Variants in CHRNA4 observed in about 807,000 individuals in gnomAD.
CHRNA4 encodes cholinergic receptor nicotinic alpha 4 subunit.
A neutral mutation model predicts 48.9 loss-of-function variants in CHRNA4; 28 were observed. The ratio of observed to expected loss-of-function variants is 0.57; its 90% confidence interval spans 0.42 to 0.79. The LOEUF (loss-of-function observed/expected upper bound fraction) is 0.79, where lower values mean the gene tolerates loss of function less well. CHRNA4 is among the 30% of genes least tolerant of loss of function. The probability of loss-of-function intolerance (pLI) is 0.00; values close to 1 mark genes in which losing one functional copy is unlikely to be tolerated. For missense variants in CHRNA4, 859 were observed against 898.4 expected (o/e 0.96, Z 0.56); for synonymous variants, 425 against 402.3 (o/e 1.06, Z -0.68).
In CHRNA4 at chr20:63,349,679, G is replaced by A. The variant is rs199506324; in HGVS notation, c.1732C>T (p.Leu578=). The change falls in exon 5 of 6, where the codon CTG becomes TTG. Residue 578 remains leucine, a synonymous_variant. Transcript: ENST00000370263. ...VEGVQYIADH[L]KAEDTDFSVK... ...GAGAAGTCTGTGTCTTCGGCCTTCAGGTGGTCTGCAATGTACTGGACGCCC... is the reference window on the plus strand; with the variant it reads ...GAGAAGTCTGTGTCTTCGGCCTTCAAGTGGTCTGCAATGTACTGGACGCCC... 5.3e-5 allele frequency: 86 copies of A among 1,612,874 alleles called. No homozygotes were observed. The highest frequency in any genetic ancestry group is 6.9e-5 in the Non-Finnish European group (82 of 1,179,894).
intron 1 of CHRNA4, 61 bp downstream of exon 1, chr20:63,361,029 G>A: frequency 7.7e-7 from 1 of 1,297,256 alleles, no homozygotes; most frequent in Non-Finnish European, 1.0e-6. Context: ...CTCTGGCTCT[G>A]GGGGTCCCAG....
chr20:63,350,306 G>C lies in CHRNA4; in HGVS notation c.1105C>G (p.Arg369Gly). The change falls in exon 5 of 6, where the codon CGG becomes GGG. Residue 369 changes from arginine to glycine, a missense_variant. Arg to Gly is a moderately radical substitution (Grantham distance 125). This residue lies in a region of CHRNA4 where 478 missense variants were observed against 455.4 expected (regional missense o/e 1.05). Coordinates refer to ENST00000370263, the MANE Select transcript of CHRNA4 (RefSeq NM_000744.7). ...TTATGCATGGACTCGATGAGCCGCC[G>C]GCAATTGTCCTTGACCACGGACGGC... ...KRPSVVKDNC[R>G]RLIESMHKMA... 1 of 1,613,126 alleles carries C rather than the reference G, an allele frequency of 6.2e-7. No individual in the cohort carries two copies. Among genetic ancestry groups the C allele is most frequent in the Non-Finnish European group, 8.5e-7 (1 of 1,179,994 alleles).
Position 63,344,919 on chromosome 20 carries a change from G to A in CHRNA4, c.*1819C>T, listed in dbSNP as rs767843423. On this transcript the variant is annotated 3_prime_UTR_variant, in exon 6 of 6. Coordinates refer to ENST00000370263, the MANE Select transcript of CHRNA4 (RefSeq NM_000744.7). The surrounding 1 kb of genome is among the most constrained non-coding windows in gnomAD (Gnocchi z 4.5). ...GGGATGTGGGAGGGGCCAGGGGGCT[G>A]GGGATGCCCAGGATTTGGCACGGGG... The A allele has an allele frequency of 2.5e-6, 1 of 404,366 alleles. No individual in the cohort carries two copies. 25.0% of individuals were successfully genotyped at this position (404,366 alleles called of 1,614,324 possible).
At chr20:63,355,793 C>G (rs2068707365) in intron 4 of CHRNA4, 182 bp downstream of exon 4, 1 of 936,988 alleles carries the variant, frequency 1.1e-6, no homozygotes, top group African/African-American at 1.6e-5. Flanking sequence ...TCAACCCACA[C>G]CAATTTCTCC....
Position 63,350,169 on chromosome 20 carries a change from C to T in CHRNA4, c.1242G>A (p.Val414=). 6.3e-7 allele frequency: 1 copy of T among 1,586,314 alleles called. No individual in the cohort carries two copies. Among genetic ancestry groups the T allele is most frequent in the Non-Finnish European group, 8.6e-7 (1 of 1,164,198 alleles). Reference sequence around the variant, plus strand: ...TGCAGGAAGGCCCAGGCTCAGCCGGCACATCCAGGGGGACACAGAAGGACG... The same window carrying T: ...TGCAGGAAGGCCCAGGCTCAGCCGGTACATCCAGGGGGACACAGAAGGACG... The part of the protein sequence containing the change: ...PSPSFCVPLD[V]PAEPGPSCKS... Residue 414 remains valine (V), a synonymous_variant, in exon 5 of 6, where the codon GTG becomes GTA. Transcript: ENST00000370263.
At position 63,348,981 on chromosome 20, in the gene CHRNA4, G is replaced by A. The variant is rs45619635; in HGVS notation, c.1758+672C>T. Among the ~76,000 whole-genome samples, 11 of 152,284 alleles carry A rather than the reference G, an allele frequency of 7.2e-5. No individual in the cohort carries two copies. The East Asian group carries it at 7.7e-4, about 11-fold the overall frequency. ...ACTGTGGCTCCTGGGGCCTCTGTGC[G>A]GCCAGTGCCTGGCGCTGGAGGGTGA... On this transcript the variant is annotated intron_variant, in intron 5 of 5. Transcript: ENST00000370263.
At chr20:63,347,751 C>T (rs1025546110) in intron 5 of CHRNA4, among the ~76,000 whole-genome samples, 16 of 152,198 alleles carry the variant, frequency 1.1e-4, no homozygotes, top group Non-Finnish European at 2.4e-4. Context: ...TGGGCCCGGC[C>T]GTGAGGGTGT....
rs201462011 is a variant in CHRNA4, at chr20:63,343,640, G to C, written c.*3098C>G. ...CACGTCGCCCCAGGCCGGGCCACAC[G>C]GGAAGCACCCAGGCCGGTCCGGAGG... On this transcript the variant is annotated 3_prime_UTR_variant, in exon 6 of 6. Transcript: ENST00000370263. The C allele has an allele frequency of 9.7e-3, 4,248 of 439,880 alleles. 178 individuals carry two copies. The highest frequency in any genetic ancestry group is 0.064 in the South Asian group (4,115 of 64,036). The allele number at this position is 439,880 out of a possible 1,614,324, so 27.2% of individuals were successfully genotyped here.
Position 63,350,176 on chromosome 20 carries a change from A to AG in CHRNA4, c.1234dup (p.Leu412ProfsTer6). ...AGGCCCAGGCTCAGCCGGCACATCC[A>AG]GGGGGACACAGAAGGACGGTGAGGG... On this transcript the variant is annotated frameshift_variant, in exon 5 of 6. Transcript: ENST00000370263. LOFTEE classifies it high-confidence loss of function. 6.3e-7 allele frequency: 1 copy of AG among 1,591,052 alleles called. No individual in the cohort carries two copies. The highest frequency in any genetic ancestry group is 8.6e-7 in the Non-Finnish European group (1 of 1,167,250).
At chr20:63,359,095 C>G (rs893903088) in intron 2 of CHRNA4, among the ~76,000 whole-genome samples, 1 of 152,176 alleles carries the variant, frequency 6.6e-6, no homozygotes, top group African/African-American at 2.4e-5. Context: ...CCAAACCCCA[C>G]ATTCCAGATC....
intron 4 of CHRNA4, among the ~76,000 whole-genome samples, chr20:63,354,996 G>A (rs533827665): frequency 7.2e-4 from 110 of 152,324 alleles, no homozygotes; most frequent in Admixed American, 1.5e-3. Flanking sequence ...GAGCCCAATC[G>A]TTCTTAATCA....
chr20:63,346,203 C>T lies in CHRNA4; in HGVS notation c.*535G>A, dbSNP rs112667865. 4 of 454,292 alleles carry T rather than the reference C, an allele frequency of 8.8e-6. No homozygotes were observed. The highest frequency in any genetic ancestry group is 2.0e-5 in the African/African-American group (1 of 50,156). The allele number at this position is 454,292 out of a possible 1,614,324, so 28.1% of individuals were successfully genotyped here. On this transcript the variant is annotated 3_prime_UTR_variant, in exon 6 of 6. Coordinates refer to ENST00000370263, the MANE Select transcript of CHRNA4 (RefSeq NM_000744.7). ...CCTCTCCTAGCGAAGCAGATTGGAG[C>T]GCTGCTGGCTCACCCTCATGGGGCC...
At position 63,344,481 on chromosome 20, in the gene CHRNA4, T is replaced by C. The variant is rs1290807241; in HGVS notation, c.*2257A>G. 1.3e-5 allele frequency: 6 copies of C among 448,122 alleles called. No individual in the cohort carries two copies. Among genetic ancestry groups the C allele is most frequent in the African/African-American group, 4.1e-5 (2 of 48,220 alleles). 27.8% of individuals were successfully genotyped at this position (448,122 alleles called of 1,614,324 possible). On this transcript the variant is annotated 3_prime_UTR_variant, in exon 6 of 6. Coordinates refer to ENST00000370263, the MANE Select transcript of CHRNA4 (RefSeq NM_000744.7). The surrounding 1 kb of genome is among the most constrained non-coding windows in gnomAD (Gnocchi z 4.5). ...GGAATATGGTGCTTTATTTGGATTTTTTTTTTGAGCCTCAAAAAAAAAAAG... is the reference window on the plus strand; with the variant it reads ...GGAATATGGTGCTTTATTTGGATTTCTTTTTTGAGCCTCAAAAAAAAAAAG...
At position 63,358,336 on chromosome 20, in the gene CHRNA4, A is replaced by G. The variant is rs568011274; in HGVS notation, c.228+1212T>C. On this transcript the variant is annotated intron_variant, in intron 2 of 5. Transcript: ENST00000370263. ...TGGGGTGTGGCCCACTCAGCCTGGG[A>G]TAGTGAAGCAGCTCTCACCCCGTTT... Among the ~76,000 whole-genome samples the G allele has an allele frequency of 1.8e-3, 278 of 152,318 alleles. 2 individuals carry two copies. Among genetic ancestry groups the G allele is most frequent in the African/African-American group, 6.4e-3 (264 of 41,562 alleles).
At chr20:63,349,454 C>T in intron 5 of CHRNA4, 199 bp downstream of exon 5, 1 of 719,192 alleles carries the variant, frequency 1.4e-6, no homozygotes. Context: ...CTCGGGGCCC[C>T]CTGCCCCGCT....
chr20:63,344,208 A>G lies in CHRNA4; in HGVS notation c.*2530T>C. On this transcript the variant is annotated 3_prime_UTR_variant, in exon 6 of 6. Transcript: ENST00000370263. This position sits in a 1 kb window ranked among gnomAD's most constrained non-coding sequence, Gnocchi z 4.5. ...AAGTCATAGGATGAAGAAGCCAGAC[A>G]TCAAAGGCTCCAACTGCAGGATTCT... The G allele has an allele frequency of 4.4e-6, 2 of 454,064 alleles. No individual in the cohort carries two copies. Among genetic ancestry groups the G allele is most frequent in the South Asian group, 3.1e-5 (2 of 64,466 alleles). The allele number at this position is 454,064 out of a possible 1,614,324, so 28.1% of individuals were successfully genotyped here. A position where few individuals can be genotyped will look rare whatever the true frequency, so the allele number is the denominator to read the frequency against.
rs114541078 is a variant in CHRNA4 at position 63,345,714 on chromosome 20, C to T, written c.*1024G>A. The T allele has an allele frequency of 7.1e-5, 32 of 452,932 alleles. No homozygotes were observed. Among genetic ancestry groups the T allele is most frequent in the African/African-American group, 6.4e-4 (32 of 50,086 alleles). The allele number at this position is 452,932 out of a possible 1,614,324, so 28.1% of individuals were successfully genotyped here. On this transcript the variant is annotated 3_prime_UTR_variant, in exon 6 of 6. Coordinates refer to ENST00000370263, the MANE Select transcript of CHRNA4 (RefSeq NM_000744.7). The surrounding 1 kb of genome is among the most constrained non-coding windows in gnomAD (Gnocchi z 5.4). ...CAGGTGGAGGTCCTCAAGGATGCCC[C>T]CACCAGCTCCCCACAGCTACTGTAG...
chr20:63,343,428 G>A lies in CHRNA4; in HGVS notation c.*3310C>T, dbSNP rs1329040707. 4.4e-6 allele frequency: 2 copies of A among 454,142 alleles called. No homozygotes were observed. Among genetic ancestry groups the A allele is most frequent in the East Asian group, 1.4e-4 (2 of 14,394 alleles). The allele number at this position is 454,142 out of a possible 1,614,324, so 28.1% of individuals were successfully genotyped here. ...GCCTGATCCAGCATTTCTGGTGCAA[G>A]GTGAAAGGACTCAGCCACTTTAGAA... On this transcript the variant is annotated 3_prime_UTR_variant, in exon 6 of 6. Coordinates refer to ENST00000370263, the MANE Select transcript of CHRNA4 (RefSeq NM_000744.7).
intron 5 of CHRNA4, among the ~76,000 whole-genome samples, chr20:63,348,681 G>A (rs1409168255): frequency 1.3e-5 from 2 of 152,198 alleles, no homozygotes; most frequent in East Asian, 1.9e-4. Flanking sequence ...GACAGATGCC[G>A]AATTGCCGCT....
Sources: allele counts gnomAD v4.1 joint callset (sites outside exome capture counted in the v4.1 genomes callset), GRCh38; gene constraint gnomAD v4.1.1; regional missense constraint gnomAD v4.1.1; non-coding constraint Gnocchi (gnomAD v3.1); transcripts MANE v1.5; gene names NCBI Gene and HGNC (gene_info 2026-07-23, HGNC 2026-07-21).